MAF: variants seen among roughly 807,000 people sequenced by gnomAD.
MAF encodes transcription factor Maf.
A neutral mutation model predicts 22.0 loss-of-function variants in MAF; 10 were observed. That is an observed-to-expected ratio of 0.45 (90% CI 0.28 to 0.77). The LOEUF (loss-of-function observed/expected upper bound fraction) is 0.77, where lower values mean the gene tolerates loss of function less well. Ranked by LOEUF, MAF falls within the 30% of genes least tolerant of loss-of-function variation. The pLI, the probability that MAF is intolerant of heterozygous loss-of-function variation, is 0.12. For synonymous variants in MAF, 337 were observed against 255.8 expected (o/e 1.32, Z -3.03); for missense variants, 544 against 548.4 (o/e 0.99, Z 0.08).
chr16:79,206,605 ACAACTCACTGAAAAAGC>A, the MAF span: 3 of 152,210 alleles, frequency 2.0e-5, no homozygotes, highest in Admixed American at 1.3e-4. Flanking sequence ...CTCGTTGGCT[ACAACTCACTGAAAAAGC>A]CGGGCAGTTT....
chr16:79,294,257 ACT>A, the MAF span, among the ~76,000 whole-genome samples: 2 of 151,972 alleles, frequency 1.3e-5, no homozygotes, highest in Admixed American at 6.6e-5. Context: ...TTCCTCTTAG[ACT>A]CTTGTATATG....
At chr16:79,466,489 A>G in the MAF span, among the ~76,000 whole-genome samples, 578 of 152,324 alleles carry the variant, frequency 3.8e-3, no homozygotes, top group Admixed American at 9.9e-3. Flanking sequence ...TTAAATAATA[A>G]AAAGAATCCT....
the MAF span, among the ~76,000 whole-genome samples, chr16:79,267,265 G>A: frequency 4.6e-5 from 7 of 152,300 alleles, no homozygotes; most frequent in African/African-American, 1.2e-4. Context: ...TGCCCATTAT[G>A]AAAATCACTC....
chr16:79,242,587 T>A, the MAF span, among the ~76,000 whole-genome samples: 2 of 151,798 alleles, frequency 1.3e-5, no homozygotes, highest in Non-Finnish European at 2.9e-5. Flanking sequence ...AGACTTAGAC[T>A]CCCACACACT....
chr16:79,443,601 C>T, the MAF span, among the ~76,000 whole-genome samples: 1 of 152,200 alleles, frequency 6.6e-6, no homozygotes, highest in Non-Finnish European at 1.5e-5. Context: ...CAGCCATTCT[C>T]CATCTAGGAA....
the MAF span, among the ~76,000 whole-genome samples, chr16:79,290,757 C>T: frequency 1.6e-4 from 25 of 152,020 alleles, no homozygotes; most frequent in African/African-American, 5.8e-4. Flanking sequence ...ATCTAGAATA[C>T]CGTCCAACTC....
intron 1 of MAF, chr16:79,598,024 T>G: frequency 9.6e-7 from 1 of 1,042,554 alleles, no homozygotes; most frequent in Non-Finnish European, 1.2e-6. Flanking sequence ...TGAGGATTTT[T>G]TTCTCTATTT....
the MAF span, among the ~76,000 whole-genome samples, chr16:79,233,166 C>T: frequency 5.3e-5 from 8 of 152,028 alleles, no homozygotes; most frequent in Middle Eastern, 3.4e-3. Flanking sequence ...AATGACTACC[C>T]GTGCAGGTTT....
chr16:79,426,985 C>T, the MAF span, among the ~76,000 whole-genome samples: 1 of 152,198 alleles, frequency 6.6e-6, no homozygotes, highest in East Asian at 1.9e-4. Context: ...ATCTGGATTG[C>T]TGAACTGCAG....
chr16:79,219,044 A>G, the MAF span, among the ~76,000 whole-genome samples: 1 of 152,174 alleles, frequency 6.6e-6, no homozygotes, highest in Non-Finnish European at 1.5e-5. Flanking sequence ...CACCACTTAG[A>G]AAGAAGTGTC....
the MAF span, among the ~76,000 whole-genome samples, chr16:79,558,816 A>G: frequency 2.0e-5 from 3 of 152,174 alleles, no homozygotes; most frequent in African/African-American, 4.8e-5. Context: ...TCTTTAGCCT[A>G]GTTCTCATTT....
At chr16:79,333,514 C>A in the MAF span, among the ~76,000 whole-genome samples, 2 of 152,126 alleles carry the variant, frequency 1.3e-5, no homozygotes, top group East Asian at 1.9e-4. Context: ...TTACCCAAGA[C>A]CCCAGGAGGC....
chr16:79,386,456 C>T, the MAF span, among the ~76,000 whole-genome samples: 12 of 152,156 alleles, frequency 7.9e-5, no homozygotes, highest in African/African-American at 1.7e-4. Context: ...TGACAGGAGA[C>T]GGAGCTCAGG....
the MAF span, among the ~76,000 whole-genome samples, chr16:79,539,190 A>T: frequency 6.6e-6 from 1 of 152,236 alleles, no homozygotes; most frequent in Non-Finnish European, 1.5e-5. Context: ...TCTGGAAAGC[A>T]ATCTTATTAT....
chr16:79,335,717 G>A, the MAF span, among the ~76,000 whole-genome samples: 1 of 152,210 alleles, frequency 6.6e-6, no homozygotes, highest in Non-Finnish European at 1.5e-5. Flanking sequence ...CCAGGAACCT[G>A]CTGCTGGGGC....
chr16:79,563,736 A>AACAC, the MAF span, among the ~76,000 whole-genome samples: 3,170 of 144,266 alleles, frequency 0.022, 22 homozygotes, highest in African/African-American at 0.029. Context: ...TTAGCTAGCA[A>AACAC]ACACACACAC....
At chr16:79,260,644 C>T in the MAF span, among the ~76,000 whole-genome samples, 2 of 152,204 alleles carry the variant, frequency 1.3e-5, no homozygotes, top group East Asian at 1.9e-4. Flanking sequence ...TGAATAAGTG[C>T]TGCCGATCTT....
the MAF span, among the ~76,000 whole-genome samples, chr16:79,412,461 T>C: frequency 6.6e-6 from 1 of 152,224 alleles, no homozygotes; most frequent in African/African-American, 2.4e-5. Flanking sequence ...GCTTGAATGT[T>C]CCATGAAGTA....
At chr16:79,452,449 C>T in the MAF span, among the ~76,000 whole-genome samples, 2 of 152,122 alleles carry the variant, frequency 1.3e-5, no homozygotes, top group African/African-American at 4.8e-5. Context: ...GAAATTAAGA[C>T]AATTTATAAC....
Sources: gnomAD v4.1 joint callset for allele counts (sites outside exome capture counted in the v4.1 genomes callset) on GRCh38, gnomAD v4.1.1 for gene constraint, MANE v1.5 for transcripts, NCBI Gene and HGNC (gene_info 2026-07-23, HGNC 2026-07-21) for gene names.